Variants in TRIO observed in about 807,000 individuals in gnomAD.
The protein encoded by TRIO is trio Rho guanine nucleotide exchange factor.
Under a neutral mutation model 351.9 loss-of-function variants are expected in TRIO, and 58 were observed. That is an observed-to-expected ratio of 0.16 (90% CI 0.13 to 0.21). TRIO has a LOEUF of 0.21. TRIO is among the 10% of genes least tolerant of loss of function. The pLI is 1.00. For synonymous variants in TRIO, 1,758 were observed against 1,595.7 expected (o/e 1.10, Z -2.42); for missense variants, 3,201 against 4,027.8 (o/e 0.79, Z 5.56).
At position 14,498,361 on chromosome 5, in the gene TRIO, C is replaced by A. The variant is rs1292296594; in HGVS notation, c.8210+110C>A. ...TGGATTTCTTTGGCTGCCTTCGGCA[C>A]TCCACTTCTTCCGTGAGAGCCCATT... is the stretch of plus-strand genomic sequence containing the variant. On this transcript the variant is annotated intron_variant, in intron 52 of 56. Coordinates refer to ENST00000344204, the MANE Select transcript of TRIO (RefSeq NM_007118.4). The A allele has an allele frequency of 3.3e-6, 5 of 1,520,600 alleles. No homozygotes were observed. The African/African-American group carries it at 6.9e-5, about 21-fold the overall frequency. The allele number at this position is 1,520,600 out of a possible 1,614,324, so 94.2% of individuals were successfully genotyped here. A position where few individuals can be genotyped will look rare whatever the true frequency, so the allele number is the denominator to read the frequency against.
intron 11 of TRIO, among the ~76,000 whole-genome samples, chr5:14,356,942 T>C (rs1041423924): frequency 1.3e-5 from 2 of 152,134 alleles, no homozygotes; most frequent in African/African-American, 4.8e-5. Context: ...CTCCAGTGGC[T>C]GAGAGCAGGT....
intron 1 of TRIO, among the ~76,000 whole-genome samples, chr5:14,268,159 A>C (rs1795792740): frequency 1.3e-5 from 2 of 152,224 alleles, no homozygotes; most frequent in Non-Finnish European, 2.9e-5. Flanking sequence ...GAAAGGTCAC[A>C]TGAGAGGGAG....
intron 34 of TRIO, among the ~76,000 whole-genome samples, chr5:14,450,646 C>T (rs1752787674): frequency 6.6e-6 from 1 of 152,222 alleles, no homozygotes; most frequent in African/African-American, 2.4e-5. Flanking sequence ...TTAGGACCCA[C>T]TGTGCAATAT....
chr5:14,358,564 G>A (rs1297140097), intron 12 of TRIO, among the ~76,000 whole-genome samples: 1 of 151,930 alleles, frequency 6.6e-6, no homozygotes, highest in Non-Finnish European at 1.5e-5. Flanking sequence ...CTTCATAATA[G>A]TTTTCATTAT....
intron 33 of TRIO, among the ~76,000 whole-genome samples, chr5:14,408,796 C>G (rs382403): frequency 0.23 from 34,257 of 151,896 alleles, 4,499 homozygotes; most frequent in Middle Eastern, 0.37. Flanking sequence ...GCCCCAAATT[C>G]CCATTCTTAA....
At chr5:14,149,782 T>C (rs975636900) in intron 1 of TRIO, among the ~76,000 whole-genome samples, 1 of 152,222 alleles carries the variant, frequency 6.6e-6, no homozygotes, top group Admixed American at 6.5e-5. Flanking sequence ...TCTTCCTATT[T>C]GGGCTTTGTC....
intron 10 of TRIO, among the ~76,000 whole-genome samples, chr5:14,335,603 G>A (rs576175650): frequency 2.6e-5 from 4 of 152,272 alleles, no homozygotes; most frequent in African/African-American, 4.8e-5. Flanking sequence ...TTTTAGACAC[G>A]TGTTTACACT....
chr5:14,409,561 G>A lies in TRIO; in HGVS notation c.4959+2889G>A, dbSNP rs529413370. Among the ~76,000 whole-genome samples, 8 of 152,142 alleles carry A rather than the reference G, an allele frequency of 5.3e-5. No individual in the cohort carries two copies. The South Asian group carries it at 1.2e-3, about 24-fold the overall frequency. On this transcript the variant is annotated intron_variant, in intron 33 of 56. Coordinates refer to ENST00000344204, the MANE Select transcript of TRIO (RefSeq NM_007118.4). ...AATCCCTGAAGGGTCGGCTGAGCAC[G>A]CGGTGGCTCACGCCTGTAATCCCAG...
chr5:14,239,813 G>C (rs1279521175), intron 1 of TRIO, among the ~76,000 whole-genome samples: 1 of 152,220 alleles, frequency 6.6e-6, no homozygotes. Flanking sequence ...GTAGGGAACT[G>C]TGTAGGATCT....
At chr5:14,155,947 A>T (rs1788077913) in intron 1 of TRIO, among the ~76,000 whole-genome samples, 1 of 151,812 alleles carries the variant, frequency 6.6e-6, no homozygotes, top group African/African-American at 2.4e-5. Context: ...CGAAATGTTG[A>T]TTTTTTTTCT....
At chr5:14,483,924 GTGCACCCATACGCTGAAC>G (rs1211718420) in intron 46 of TRIO, among the ~76,000 whole-genome samples, 8 of 151,896 alleles carry the variant, frequency 5.3e-5, no homozygotes, top group East Asian at 3.9e-4. Context: ...GCCCTGAACT[GTGCACCCATACGCTGAAC>G]TGCACCCATA....
intron 4 of TRIO, among the ~76,000 whole-genome samples, chr5:14,287,401 C>G (rs1043844409): frequency 1.3e-5 from 2 of 152,154 alleles, no homozygotes; most frequent in East Asian, 3.9e-4. Context: ...TGCACAGTTA[C>G]AGATTCATTC....
chr5:14,329,864 G>A lies in TRIO; in HGVS notation c.1732-914G>A, dbSNP rs114692707. The stretch of plus-strand genomic sequence containing the variant: ...CGCCCACATATACCAAAACCTATGG[G>A]TGCCTAAGTCCTGCATTTGGTCCTC... On this transcript the variant is annotated intron_variant, in intron 9 of 56. Coordinates refer to ENST00000344204, the MANE Select transcript of TRIO (RefSeq NM_007118.4). Among the ~76,000 whole-genome samples, 741 of 152,214 alleles carry A rather than the reference G, an allele frequency of 4.9e-3. 8 individuals carry two copies. The highest frequency in any genetic ancestry group is 0.016 in the African/African-American group (655 of 41,536).
chr5:14,498,062 G>T (rs1579836361), intron 51 of TRIO, 27 bp from the exon 52 acceptor site: 2 of 1,613,984 alleles, frequency 1.2e-6, no homozygotes, highest in Non-Finnish European at 1.7e-6. Context: ...GGGCTGATGG[G>T]CCTTTACCGA....
chr5:14,313,953 C>A (rs1739152895), intron 8 of TRIO, among the ~76,000 whole-genome samples: 1 of 150,894 alleles, frequency 6.6e-6, no homozygotes, highest in African/African-American at 2.5e-5. Context: ...AGGGGTTTGG[C>A]TATCAAGGAG....
intron 35 of TRIO, 111 bp from the exon 36 acceptor site, chr5:14,462,644 C>T (rs1445441673): frequency 1.0e-5 from 15 of 1,433,334 alleles, no homozygotes; most frequent in Non-Finnish European, 1.4e-5. Flanking sequence ...AGCTTTGTTC[C>T]TGATTTCTGC....
chr5:14,334,908 C>T (rs1419228651), intron 10 of TRIO, among the ~76,000 whole-genome samples: 1 of 152,216 alleles, frequency 6.6e-6, no homozygotes, highest in Non-Finnish European at 1.5e-5. Flanking sequence ...AGTGCCCACT[C>T]TTGTGCCCAG....
At chr5:14,262,471 G>C (rs1352766076) in intron 1 of TRIO, among the ~76,000 whole-genome samples, 1 of 152,182 alleles carries the variant, frequency 6.6e-6, no homozygotes, top group African/African-American at 2.4e-5. Flanking sequence ...GATCATGAGG[G>C]ACTGTAGTTG....
chr5:14,239,325 C>T (rs1793987682), intron 1 of TRIO, among the ~76,000 whole-genome samples: 1 of 152,100 alleles, frequency 6.6e-6, no homozygotes. Context: ...AGTTATTCTT[C>T]CTTCTATACT....
Sources: gnomAD v4.1 joint callset for allele counts (sites outside exome capture counted in the v4.1 genomes callset) on GRCh38, gnomAD v4.1.1 for gene constraint, MANE v1.5 for transcripts, NCBI Gene and HGNC (gene_info 2026-07-23, HGNC 2026-07-21) for gene names.